CDC42SE2: variants seen among roughly 807,000 people sequenced by gnomAD.
The protein encoded by CDC42SE2 is CDC42 small effector protein 2.
Under a neutral mutation model 11.5 loss-of-function variants are expected in CDC42SE2, and 3 were observed. The observed-to-expected ratio is 0.26, with a 90% CI of 0.12 to 0.67. The LOEUF (loss-of-function observed/expected upper bound fraction) is 0.67, where lower values mean the gene tolerates loss of function less well. Among genes scored for constraint, CDC42SE2 ranks in the 30% least tolerant of loss-of-function variants. CDC42SE2 has a pLI of 0.80. For synonymous variants in CDC42SE2, 33 were observed against 34.8 expected (o/e 0.95, Z 0.18); for missense variants, 82 against 106.8 (o/e 0.77, Z 1.02).
chr5:131,382,324 A>G (rs1750350348), intron 3 of CDC42SE2, among the ~76,000 whole-genome samples: 1 of 152,180 alleles, frequency 6.6e-6, no homozygotes, highest in African/African-American at 2.4e-5. Flanking sequence ...TCACAAGCAT[A>G]TCTATTCATT....
rs1023152741 is a variant in CDC42SE2 at position 131,368,248 on chromosome 5, A to G, written c.54+8701A>G. Among the ~76,000 whole-genome samples, 174 of 127,048 alleles carry G rather than the reference A, an allele frequency of 1.4e-3. 1 individual carries two copies. The highest frequency in any genetic ancestry group is 6.6e-3 in the African/African-American group (168 of 25,296). 83.3% of individuals were successfully genotyped at this position (127,048 alleles called of 152,430 possible). A position where few individuals can be genotyped will look rare whatever the true frequency, so the allele number is the denominator to read the frequency against. On this transcript the variant is annotated intron_variant, in intron 3 of 4. Transcript: ENST00000505065. ...AGCCTGGGCAATAGAGTGAGACTCC[A>G]TCTCAAAAAAAAAAAAAAAAAAAAA...
At chr5:131,281,070 A>G (rs1314064342) in intron 1 of CDC42SE2, among the ~76,000 whole-genome samples, 1 of 152,190 alleles carries the variant, frequency 6.6e-6, no homozygotes, top group Non-Finnish European at 1.5e-5. Context: ...TTAAATAGCA[A>G]TTGTAAAAGC....
chr5:131,253,843 A>T (rs1269552646), intron 1 of CDC42SE2, among the ~76,000 whole-genome samples: 1 of 152,238 alleles, frequency 6.6e-6, no homozygotes, highest in African/African-American at 2.4e-5. Flanking sequence ...ACTATGAAGG[A>T]TTGTCTTTTG....
intron 2 of CDC42SE2, among the ~76,000 whole-genome samples, chr5:131,342,901 CG>C (rs1189379528): frequency 5.3e-5 from 8 of 149,678 alleles, no homozygotes; most frequent in Non-Finnish European, 1.2e-4. Context: ...TTAGTAGGAA[CG>C]GGGTTTCATT....
At chr5:131,252,176 C>G (rs1329760889) in intron 1 of CDC42SE2, among the ~76,000 whole-genome samples, 3 of 151,984 alleles carry the variant, frequency 2.0e-5, no homozygotes, top group African/African-American at 7.2e-5. Context: ...TTACAAGAAG[C>G]TTATCAAGGA....
intron 1 of CDC42SE2, among the ~76,000 whole-genome samples, chr5:131,304,230 C>T (rs929775633): frequency 5.3e-5 from 8 of 152,208 alleles, no homozygotes; most frequent in Middle Eastern, 6.8e-3. Context: ...ACAATCCTCC[C>T]GCCCTGGCCT....
intron 1 of CDC42SE2, among the ~76,000 whole-genome samples, chr5:131,266,656 CT>C (rs1367986701): frequency 1.3e-5 from 2 of 151,974 alleles, no homozygotes; most frequent in Non-Finnish European, 2.9e-5. Context: ...CGGGGTTTCT[CT>C]GTGTTGGCCA....
intron 2 of CDC42SE2, among the ~76,000 whole-genome samples, chr5:131,322,317 A>G (rs776404240): frequency 4.6e-4 from 70 of 152,178 alleles, no homozygotes; most frequent in Middle Eastern, 6.8e-3. Context: ...TTAGATAACA[A>G]ATTTTCATTT....
chr5:131,277,027 A>G (rs567979494), intron 1 of CDC42SE2, among the ~76,000 whole-genome samples: 1 of 152,334 alleles, frequency 6.6e-6, no homozygotes, highest in Non-Finnish European at 1.5e-5. Context: ...GGCGTGAGCC[A>G]CCGCACTTGG....
At chr5:131,380,301 T>C (rs1251761915) in intron 3 of CDC42SE2, among the ~76,000 whole-genome samples, 1 of 152,032 alleles carries the variant, frequency 6.6e-6, no homozygotes, top group Admixed American at 6.6e-5. Flanking sequence ...ATTTGATCAT[T>C]CTTATGGCCT....
chr5:131,222,189 A>C, the CDC42SE2 span, among the ~76,000 whole-genome samples: 1 of 152,246 alleles, frequency 6.6e-6, no homozygotes. Context: ...TTTCACTCAA[A>C]TTTTACTAAT....
chr5:131,352,245 G>A (rs549405165), intron 2 of CDC42SE2, among the ~76,000 whole-genome samples: 4 of 152,108 alleles, frequency 2.6e-5, no homozygotes, highest in Non-Finnish European at 4.4e-5. Flanking sequence ...ATCATACTTA[G>A]TATATAACAG....
intron 1 of CDC42SE2, among the ~76,000 whole-genome samples, chr5:131,303,284 GAGA>G (rs1171159061): frequency 1.3e-5 from 2 of 152,164 alleles, no homozygotes; most frequent in Non-Finnish European, 2.9e-5. Flanking sequence ...GTATTTCTTT[GAGA>G]AGAAGAAAGG....
At chr5:131,381,103 C>G (rs1750307409) in intron 3 of CDC42SE2, among the ~76,000 whole-genome samples, 1 of 152,176 alleles carries the variant, frequency 6.6e-6, no homozygotes, top group African/African-American at 2.4e-5. Flanking sequence ...TTGATGGCTT[C>G]TTCTCTGCCC....
At chr5:131,242,028 G>T (rs1480923311), upstream of CDC42SE2, among the ~76,000 whole-genome samples, 1 of 152,138 alleles carries the variant, frequency 6.6e-6, no homozygotes, top group Non-Finnish European at 1.5e-5. Context: ...ATGAATAATA[G>T]TATTGCTATT....
intron 3 of CDC42SE2, among the ~76,000 whole-genome samples, chr5:131,368,456 C>T (rs1000814823): frequency 2.0e-5 from 3 of 152,048 alleles, no homozygotes; most frequent in Non-Finnish European, 4.4e-5. Flanking sequence ...ATCCCTTTGT[C>T]TTTGTTCACC....
chr5:131,248,433 G>A (rs375959574), intron 1 of CDC42SE2, among the ~76,000 whole-genome samples: 6 of 152,106 alleles, frequency 3.9e-5, no homozygotes, highest in South Asian at 2.1e-4. Context: ...CACCATGCCC[G>A]GCAGAAGCAT....
At chr5:131,264,493 C>G (rs1051923182) in intron 1 of CDC42SE2, among the ~76,000 whole-genome samples, 2 of 128,238 alleles carry the variant, frequency 1.6e-5, no homozygotes, top group African/African-American at 4.0e-5. Context: ...AAAGGCAGAC[C>G]CCCCCCCTCC....
intron 2 of CDC42SE2, among the ~76,000 whole-genome samples, chr5:131,339,313 A>C (rs1454519718): frequency 6.6e-6 from 1 of 151,678 alleles, no homozygotes; most frequent in Non-Finnish European, 1.5e-5. Context: ...TTGCACAGGA[A>C]AAACAGTTTC....
Sources: allele counts gnomAD v4.1 joint callset (sites outside exome capture counted in the v4.1 genomes callset), GRCh38; gene constraint gnomAD v4.1.1; transcripts MANE v1.5; gene names NCBI Gene and HGNC (gene_info 2026-07-23, HGNC 2026-07-21).